PTPRM: variants seen among roughly 807,000 people sequenced by gnomAD.
PTPRM encodes the protein receptor-type tyrosine-protein phosphatase mu.
Under a neutral mutation model 186.7 loss-of-function variants are expected in PTPRM, and 47 were observed. That is an observed-to-expected ratio of 0.25 (90% CI 0.20 to 0.32). PTPRM has a LOEUF of 0.32. PTPRM is among the 10% of genes least tolerant of loss of function. PTPRM has a pLI of 1.00. For missense variants in PTPRM, 1,494 were observed against 1,865.0 expected (o/e 0.80, Z 3.66); for synonymous variants, 668 against 674.9 (o/e 0.99, Z 0.16).
intron 1 of PTPRM, among the ~76,000 whole-genome samples, chr18:7,654,393 T>A (rs1304261664): frequency 2.6e-5 from 4 of 152,152 alleles, no homozygotes; most frequent in Non-Finnish European, 5.9e-5. Flanking sequence ...AGTAGCAGGA[T>A]ATAAAAAACC....
chr18:8,332,580 G>A (rs1302562902), intron 22 of PTPRM, among the ~76,000 whole-genome samples: 1 of 152,200 alleles, frequency 6.6e-6, no homozygotes, highest in African/African-American at 2.4e-5. Flanking sequence ...CATGTGGGTT[G>A]TGTGCGCTGG....
intron 19 of PTPRM, among the ~76,000 whole-genome samples, chr18:8,255,608 A>G (rs1423056584): frequency 6.6e-6 from 1 of 152,198 alleles, no homozygotes; most frequent in Non-Finnish European, 1.5e-5. Flanking sequence ...TTTAAACCCT[A>G]AAGCCATTGT....
chr18:7,966,086 ATAAAT>A (rs2054027447), intron 7 of PTPRM, among the ~76,000 whole-genome samples: 1 of 152,246 alleles, frequency 6.6e-6, no homozygotes, highest in South Asian at 2.1e-4. Flanking sequence ...TAACACTTTT[ATAAAT>A]TAATTTTAAG....
chr18:7,915,215 G>C (rs886077780), intron 4 of PTPRM, among the ~76,000 whole-genome samples: 1 of 152,100 alleles, frequency 6.6e-6, no homozygotes, highest in Non-Finnish European at 1.5e-5. Context: ...TGAGAGGATA[G>C]GAGGGTTGTA....
At chr18:8,182,199 A>G (rs1194634727) in intron 14 of PTPRM, among the ~76,000 whole-genome samples, 1 of 152,010 alleles carries the variant, frequency 6.6e-6, no homozygotes, top group Non-Finnish European at 1.5e-5. Flanking sequence ...CTGAATGTTT[A>G]TTTTTATTTA....
intron 9 of PTPRM, among the ~76,000 whole-genome samples, chr18:8,080,866 T>G (rs1266460221): frequency 3.3e-5 from 5 of 152,168 alleles, no homozygotes; most frequent in African/African-American, 1.2e-4. Flanking sequence ...CACACCCTGC[T>G]TTTGCTTAGA....
intron 14 of PTPRM, among the ~76,000 whole-genome samples, chr18:8,151,230 A>G (rs1175680064): frequency 6.6e-6 from 1 of 152,054 alleles, no homozygotes; most frequent in Non-Finnish European, 1.5e-5. Flanking sequence ...CTGCGCCCAC[A>G]GCTGCCCTTT....
At chr18:8,092,112 T>A (rs1460317511) in intron 11 of PTPRM, among the ~76,000 whole-genome samples, 1 of 152,180 alleles carries the variant, frequency 6.6e-6, no homozygotes, top group Non-Finnish European at 1.5e-5. Flanking sequence ...CGAATTTCGT[T>A]TATGCACTTC....
intron 2 of PTPRM, among the ~76,000 whole-genome samples, chr18:7,838,227 C>CA (rs1323101052): frequency 2.0e-5 from 3 of 152,140 alleles, no homozygotes; most frequent in Admixed American, 2.0e-4. Flanking sequence ...AAGTGCTGAG[C>CA]AAAGGGGGAA....
At chr18:8,070,133 ATTC>A in intron 8 of PTPRM, 139 bp downstream of exon 8, 2 of 758,150 alleles carry the variant, frequency 2.6e-6, no homozygotes, top group South Asian at 3.9e-5. Flanking sequence ...TGTACTCTGT[ATTC>A]TTAAGCGCTG....
At chr18:7,849,674 A>G (rs538674175) in intron 2 of PTPRM, among the ~76,000 whole-genome samples, 4 of 152,350 alleles carry the variant, frequency 2.6e-5, no homozygotes, top group South Asian at 4.1e-4. Context: ...CTTTAAAATA[A>G]TAAGGAGCTG....
At chr18:7,932,209 T>G (rs1297319428) in intron 5 of PTPRM, among the ~76,000 whole-genome samples, 1 of 152,212 alleles carries the variant, frequency 6.6e-6, no homozygotes, top group African/African-American at 2.4e-5. Flanking sequence ...TTGATCAGGC[T>G]AGGGGTTGAG....
intron 7 of PTPRM, among the ~76,000 whole-genome samples, chr18:8,012,764 C>T (rs2084618298): frequency 6.6e-6 from 1 of 152,208 alleles, no homozygotes; most frequent in African/African-American, 2.4e-5. Context: ...TGTATATTAT[C>T]TTTGTCATTT....
intron 14 of PTPRM, among the ~76,000 whole-genome samples, chr18:8,208,568 G>A (rs1314942997): frequency 6.6e-6 from 1 of 151,804 alleles, no homozygotes; most frequent in African/African-American, 2.4e-5. Flanking sequence ...CTTAAGTGCA[G>A]TGGCACCATC....
At chr18:8,247,808 C>T in intron 15 of PTPRM, 37 bp from the exon 16 acceptor site, 1 of 1,484,056 alleles carries the variant, frequency 6.7e-7, no homozygotes. Context: ...TGTATTACCT[C>T]TCTGCTGCCC....
At chr18:7,743,019 C>T (rs571058414) in intron 1 of PTPRM, among the ~76,000 whole-genome samples, 8 of 152,274 alleles carry the variant, frequency 5.3e-5, no homozygotes, top group South Asian at 2.1e-4. Context: ...TCCTGTCTGA[C>T]GGATGAGAAA....
intron 1 of PTPRM, among the ~76,000 whole-genome samples, chr18:7,747,889 G>T (rs2041033977): frequency 6.6e-6 from 1 of 152,188 alleles, no homozygotes; most frequent in African/African-American, 2.4e-5. Context: ...GGCATTTCAA[G>T]GGGACCATTT....
At chr18:8,268,530 A>T (rs2094729966) in intron 19 of PTPRM, among the ~76,000 whole-genome samples, 1 of 152,112 alleles carries the variant, frequency 6.6e-6, no homozygotes, top group South Asian at 2.1e-4. Flanking sequence ...TATTTCTCAG[A>T]TGCTTCCAAA....
rs57918724 is a variant in PTPRM, at chr18:7,948,130, T to TACACACACAC, written c.664-1013_664-1004dup. ...GATAGCCTCTTTCCTGATTATAAAA[T>TACACACACAC]ACACACACACACACACACACACACA... is the stretch of plus-strand genomic sequence containing the variant. On this transcript the variant is annotated intron_variant, in intron 5 of 32. Coordinates refer to ENST00000580170, the MANE Select transcript of PTPRM (RefSeq NM_001105244.2). Among the ~76,000 whole-genome samples, 712 of 137,886 alleles carry TACACACACAC rather than the reference T, an allele frequency of 5.2e-3. 2 individuals carry two copies. The highest frequency in any genetic ancestry group is 0.015 in the Middle Eastern group (4 of 270). The allele number at this position is 137,886 out of a possible 152,430, so 90.5% of individuals were successfully genotyped here. A position where few individuals can be genotyped will look rare whatever the true frequency, so the allele number is the denominator to read the frequency against.
Sources: gnomAD v4.1 joint callset for allele counts (sites outside exome capture counted in the v4.1 genomes callset) on GRCh38, gnomAD v4.1.1 for gene constraint, MANE v1.5 for transcripts, NCBI Gene and HGNC (gene_info 2026-07-23, HGNC 2026-07-21) for gene names.